Variants in UGT8 observed in about 807,000 individuals in gnomAD.
The protein encoded by UGT8 is 2-hydroxyacylsphingosine 1-beta-galactosyltransferase.
In UGT8, 12 loss-of-function variants were observed where a neutral mutation model predicts 40.5. That is an observed-to-expected ratio of 0.30 (90% CI 0.19 to 0.48). UGT8 has a LOEUF of 0.48. Ranked by LOEUF, UGT8 falls within the 20% of genes least tolerant of loss-of-function variation. UGT8 has a pLI of 0.99. For missense variants in UGT8, 513 were observed against 648.7 expected, an observed-to-expected ratio of 0.79 and a Z score of 2.27; for synonymous variants, 224 against 240.4, an observed-to-expected ratio of 0.93 and a Z score of 0.63.
chr4:114,613,205 A>G (rs1731194530), intron 1 of UGT8, among the ~76,000 whole-genome samples: 1 of 152,132 alleles, frequency 6.6e-6, no homozygotes, highest in South Asian at 2.1e-4. Context: ...TGTAATTTAA[A>G]CTACTTGAAC....
chr4:114,673,730 C>A (rs1735446386), intron 5 of UGT8, among the ~76,000 whole-genome samples: 1 of 152,084 alleles, frequency 6.6e-6, no homozygotes, highest in South Asian at 2.1e-4. Flanking sequence ...ATTTTATTTT[C>A]TAAGATGTCA....
At chr4:114,662,977 C>G (rs1734641904) in intron 2 of UGT8, among the ~76,000 whole-genome samples, 1 of 151,610 alleles carries the variant, frequency 6.6e-6, no homozygotes, top group East Asian at 1.9e-4. Flanking sequence ...CCACCATGCC[C>G]AGCTAATTTT....
intron 2 of UGT8, among the ~76,000 whole-genome samples, chr4:114,659,132 A>G (rs184003705): frequency 2.6e-5 from 4 of 152,332 alleles, no homozygotes; most frequent in African/African-American, 7.2e-5. Context: ...ATCAGTGTCT[A>G]TCCGGATCAC....
At chr4:114,614,512 AT>A (rs1480898216) in intron 1 of UGT8, among the ~76,000 whole-genome samples, 1 of 152,152 alleles carries the variant, frequency 6.6e-6, no homozygotes, top group East Asian at 1.9e-4. Flanking sequence ...GCAAAGCAAT[AT>A]TTTAAAAGCA....
chr4:114,656,643 C>T (rs1734203571), intron 2 of UGT8: 2 of 325,328 alleles, frequency 6.1e-6, no homozygotes, highest in South Asian at 2.7e-5. Flanking sequence ...TGGTAGGTGC[C>T]CTGTTGAAAG....
intron 1 of UGT8, among the ~76,000 whole-genome samples, chr4:114,610,448 CTT>C (rs1730972872): frequency 6.6e-6 from 1 of 152,118 alleles, no homozygotes; most frequent in African/African-American, 2.4e-5. Context: ...ATACAAAAGA[CTT>C]TCTCTGGACT....
At chr4:114,670,688 A>G (rs892034258) in intron 5 of UGT8, among the ~76,000 whole-genome samples, 2 of 152,154 alleles carry the variant, frequency 1.3e-5, no homozygotes, top group Non-Finnish European at 1.5e-5. Flanking sequence ...GGTATTTATG[A>G]CAAACCTACA....
Position 114,622,995 on chromosome 4 carries a change from A to C in UGT8, c.115A>C (p.Lys39Gln), listed in dbSNP as rs369703582. 4 of 1,613,924 alleles carry C rather than the reference A, an allele frequency of 2.5e-6. No homozygotes were observed. Among genetic ancestry groups the C allele is most frequent in the Non-Finnish European group, 3.4e-6 (4 of 1,180,006 alleles). The change falls in exon 2 of 6, where the codon AAG becomes CAG. Residue 39 changes from lysine (K) to glutamine (Q), a missense_variant. Lys to Gln is a moderately conservative substitution (Grantham distance 53, BLOSUM62 1). This residue lies in a region of UGT8 where 335 missense variants were observed against 444.8 expected (regional missense o/e 0.75). Coordinates refer to ENST00000310836, the MANE Select transcript of UGT8 (RefSeq NM_001128174.3). ...GTTTGAAAGCCATATGTACATTTTC[A>C]AGACGCTAGCCTCAGCCTTGCACGA... is the stretch of plus-strand genomic sequence containing the variant. ...IMFESHMYIFKTLASALHERG... is the reference protein window; with the variant it reads ...IMFESHMYIFQTLASALHERG...
intron 2 of UGT8, among the ~76,000 whole-genome samples, chr4:114,660,839 C>T (rs979388760): frequency 2.7e-5 from 4 of 149,504 alleles, no homozygotes; most frequent in African/African-American, 5.0e-5. Flanking sequence ...TGCAGTAAGC[C>T]GAGATCGCAC....
chr4:114,657,353 G>A (rs922418427), intron 2 of UGT8, among the ~76,000 whole-genome samples: 2 of 152,108 alleles, frequency 1.3e-5, no homozygotes, highest in African/African-American at 4.8e-5. Flanking sequence ...CGATACTGCA[G>A]AATCTCAGTG....
rs541024006 is a variant in UGT8 at position 114,674,264 on chromosome 4, C to T, written c.1263-1661C>T. On this transcript the variant is annotated intron_variant, in intron 5 of 5. Transcript: ENST00000310836. ...TGTAATCATTTCCAGCAGCATGTCC[C>T]GTGTTCTGTGTTACTGTGTCCTGTT... is the stretch of plus-strand genomic sequence containing the variant. 1.4e-4 allele frequency among the ~76,000 whole-genome samples: 22 copies of T among 152,198 alleles called. No homozygotes were observed. In the South Asian group the frequency reaches 2.1e-3, roughly 14 times the overall value.
At chr4:114,659,309 C>A (rs1379785125) in intron 2 of UGT8, among the ~76,000 whole-genome samples, 1 of 152,066 alleles carries the variant, frequency 6.6e-6, no homozygotes, top group East Asian at 1.9e-4. Context: ...GTAAGGTTGT[C>A]TTTTCAAAAG....
chr4:114,638,058 A>G (rs1025370795), intron 2 of UGT8, among the ~76,000 whole-genome samples: 12 of 152,206 alleles, frequency 7.9e-5, no homozygotes, highest in Non-Finnish European at 1.2e-4. Flanking sequence ...TATGATATAC[A>G]TTTAGAATGA....
intron 2 of UGT8, chr4:114,656,841 C>G (rs34115976): frequency 0.16 from 83,549 of 510,638 alleles, 8,026 homozygotes; most frequent in Middle Eastern, 0.24. Context: ...CTTCATTTCC[C>G]CATATCTACT....
At chr4:114,626,963 G>A (rs1421532163) in intron 2 of UGT8, among the ~76,000 whole-genome samples, 1 of 152,186 alleles carries the variant, frequency 6.6e-6, no homozygotes, top group Non-Finnish European at 1.5e-5. Context: ...ATTACAAAAT[G>A]TTGTGTCAGT....
chr4:114,649,422 T>G (rs1199207062), intron 2 of UGT8, among the ~76,000 whole-genome samples: 1 of 152,178 alleles, frequency 6.6e-6, no homozygotes, highest in East Asian at 1.9e-4. Flanking sequence ...TGAAAAAAAT[T>G]AAGTAGCTAT....
chr4:114,602,726 C>A (rs565050589), intron 1 of UGT8, among the ~76,000 whole-genome samples: 2 of 152,090 alleles, frequency 1.3e-5, no homozygotes, highest in Non-Finnish European at 2.9e-5. Flanking sequence ...ACACACAGTA[C>A]CCTGAGCAGA....
intron 2 of UGT8, among the ~76,000 whole-genome samples, chr4:114,631,866 A>G (rs1251359352): frequency 1.3e-5 from 2 of 152,242 alleles, no homozygotes; most frequent in Non-Finnish European, 2.9e-5. Flanking sequence ...ATGGATATGT[A>G]TCTAGATTTC....
At chr4:114,599,266 C>G (rs1730287217) in intron 1 of UGT8, among the ~76,000 whole-genome samples, 1 of 152,096 alleles carries the variant, frequency 6.6e-6, no homozygotes, top group Non-Finnish European at 1.5e-5. Flanking sequence ...GGCATCCGTT[C>G]GAGGGTTCTC....
Sources: gnomAD v4.1 joint callset for allele counts (sites outside exome capture counted in the v4.1 genomes callset) on GRCh38, gnomAD v4.1.1 for gene constraint, gnomAD v4.1.1 regional missense constraint, MANE v1.5 for transcripts, NCBI Gene and HGNC (gene_info 2026-07-23, HGNC 2026-07-21) for gene names.